Variants in THRB observed in about 807,000 individuals in gnomAD.
THRB encodes the protein thyroid hormone receptor beta, also known as nuclear receptor subfamily 1 group A member 2.
THRB carries 12 observed loss-of-function variants against 47.8 expected under a neutral mutation model. The ratio of observed to expected loss-of-function variants is 0.25; its 90% CI spans 0.16 to 0.41. The LOEUF is 0.41. Among genes scored for constraint, THRB ranks in the 10% least tolerant of loss-of-function variants. The probability of loss-of-function intolerance (pLI) is 1.00; values close to 1 mark genes in which losing one functional copy is unlikely to be tolerated. For missense variants in THRB, 348 were observed against 589.2 expected, an observed-to-expected ratio of 0.59 and a Z score of 4.24; for synonymous variants, 218 against 212.2, an observed-to-expected ratio of 1.03 and a Z score of -0.24.
chr3:24,458,962 ATATT>A (rs2073439402), intron 1 of THRB: 1 of 151,010 alleles, frequency 6.6e-6, no homozygotes, highest in Admixed American at 6.6e-5. Context: ...AAATATTTAT[ATATT>A]TATTTATTAT....
At chr3:24,285,308 A>C (rs559929496) in intron 3 of THRB, among the ~76,000 whole-genome samples, 24 of 151,960 alleles carry the variant, frequency 1.6e-4, no homozygotes, top group South Asian at 1.0e-3. Context: ...TGGAAACCAT[A>C]ATTCTCAGTA....
At chr3:24,483,448 C>G (rs1160677975) in intron 1 of THRB, among the ~76,000 whole-genome samples, 3 of 151,644 alleles carry the variant, frequency 2.0e-5, no homozygotes, top group Non-Finnish European at 4.4e-5. Flanking sequence ...TACCAAGAAT[C>G]AGGTCTGGCC....
At chr3:24,222,662 C>T (rs1364508602) in intron 4 of THRB, among the ~76,000 whole-genome samples, 1 of 152,184 alleles carries the variant, frequency 6.6e-6, no homozygotes, top group Non-Finnish European at 1.5e-5. Flanking sequence ...TGGGGGAAGA[C>T]AGATGCTTCC....
At chr3:24,251,832 A>T (rs1158469147) in intron 3 of THRB, among the ~76,000 whole-genome samples, 1 of 152,138 alleles carries the variant, frequency 6.6e-6, no homozygotes, top group African/African-American at 2.4e-5. Context: ...CATAATTCTG[A>T]TACCAAAAAT....
At chr3:24,489,247 A>T (rs1243732263) in intron 1 of THRB, among the ~76,000 whole-genome samples, 1 of 152,018 alleles carries the variant, frequency 6.6e-6, no homozygotes, top group African/African-American at 2.4e-5. Flanking sequence ...TCGCAAAAAA[A>T]AAATAAGAAA....
chr3:24,478,473 A>G (rs1387982486), intron 1 of THRB, among the ~76,000 whole-genome samples: 1 of 152,230 alleles, frequency 6.6e-6, no homozygotes, highest in African/African-American at 2.4e-5. Context: ...TATTCACTTT[A>G]TTGTACTGAG....
At chr3:24,377,140 T>C (rs2065351936) in intron 1 of THRB, among the ~76,000 whole-genome samples, 1 of 151,852 alleles carries the variant, frequency 6.6e-6, no homozygotes, top group Non-Finnish European at 1.5e-5. Flanking sequence ...GAGATGGGTC[T>C]TACTTTGTTG....
intron 1 of THRB, among the ~76,000 whole-genome samples, chr3:24,469,025 C>G (rs75432399): frequency 6.6e-6 from 1 of 152,128 alleles, no homozygotes; most frequent in Non-Finnish European, 1.5e-5. Flanking sequence ...CAGTGACACA[C>G]GCACAAACAC....
chr3:24,364,467 T>C (rs1322211657), intron 1 of THRB, among the ~76,000 whole-genome samples: 2 of 152,174 alleles, frequency 1.3e-5, no homozygotes, highest in Admixed American at 6.5e-5. Flanking sequence ...TTTCCACAAA[T>C]GAATTCCAAT....
intron 1 of THRB, among the ~76,000 whole-genome samples, chr3:24,492,154 T>A (rs532136493): frequency 1.6e-4 from 24 of 152,292 alleles, no homozygotes; most frequent in South Asian, 1.0e-3. Flanking sequence ...TTGGACACAA[T>A]CATTAATTTA....
chr3:24,451,293 G>T (rs1006886663), intron 1 of THRB, among the ~76,000 whole-genome samples: 1 of 148,506 alleles, frequency 6.7e-6, no homozygotes, highest in Non-Finnish European at 1.5e-5. Context: ...GAGTGCAGTG[G>T]CGCGATCTCA....
intron 1 of THRB, among the ~76,000 whole-genome samples, chr3:24,493,010 A>G (rs1227947385): frequency 6.6e-6 from 1 of 152,244 alleles, no homozygotes; most frequent in Non-Finnish European, 1.5e-5. Context: ...AGATTCTGTT[A>G]GTATTTCTTT....
intron 2 of THRB, among the ~76,000 whole-genome samples, chr3:24,312,978 A>C (rs2057854664): frequency 1.3e-5 from 2 of 152,154 alleles, no homozygotes; most frequent in Admixed American, 1.3e-4. Context: ...ACAGAAATGG[A>C]GATGGTGGGA....
chr3:24,304,315 T>C (rs1325422829), intron 2 of THRB, among the ~76,000 whole-genome samples: 3 of 152,126 alleles, frequency 2.0e-5, no homozygotes, highest in African/African-American at 7.2e-5. Flanking sequence ...TTTTTAAAAG[T>C]AGATATTTTG....
At chr3:24,125,956 C>T (rs903464389) in intron 10 of THRB, among the ~76,000 whole-genome samples, 2 of 152,086 alleles carry the variant, frequency 1.3e-5, no homozygotes, top group African/African-American at 4.8e-5. Flanking sequence ...CTGGGTGCCA[C>T]AGTGTACATG....
chr3:24,367,687 G>A (rs1411598049), intron 1 of THRB, among the ~76,000 whole-genome samples: 21 of 152,134 alleles, frequency 1.4e-4, no homozygotes, highest in Admixed American at 1.4e-3. Flanking sequence ...AACATGCTTT[G>A]AAAATTTCCT....
At chr3:24,346,372 T>C (rs2063016876) in intron 1 of THRB, among the ~76,000 whole-genome samples, 1 of 152,004 alleles carries the variant, frequency 6.6e-6, no homozygotes, top group Admixed American at 6.6e-5. Flanking sequence ...GTGAAATATT[T>C]CATTAATTCA....
chr3:24,298,097 T>G (rs1245400970), intron 2 of THRB, among the ~76,000 whole-genome samples: 1 of 152,222 alleles, frequency 6.6e-6, no homozygotes, highest in Non-Finnish European at 1.5e-5. Context: ...TTTAATGTTG[T>G]GCATATGAAA....
intron 3 of THRB, among the ~76,000 whole-genome samples, chr3:24,281,869 C>G (rs1217316002): frequency 6.6e-6 from 1 of 151,530 alleles, no homozygotes; most frequent in Non-Finnish European, 1.5e-5. Flanking sequence ...GGGATCAATT[C>G]AACAAGAAGA....
Sources: allele counts gnomAD v4.1 joint callset (sites outside exome capture counted in the v4.1 genomes callset), GRCh38; gene constraint gnomAD v4.1.1; transcripts MANE v1.5; gene names NCBI Gene and HGNC (gene_info 2026-07-23, HGNC 2026-07-21).